The following CSMD1 variants were observed in gnomAD, a reference collection of about 807,000 sequenced individuals.
CSMD1 encodes CUB and Sushi multiple domains 1, also known as CUB and sushi domain-containing protein 1.
Under a neutral mutation model 417.5 loss-of-function variants are expected in CSMD1, and 213 were observed. The ratio of observed to expected loss-of-function variants is 0.51; its 90% CI spans 0.46 to 0.57. The LOEUF is 0.57. Among genes scored for constraint, CSMD1 ranks in the 20% least tolerant of loss-of-function variants. The probability of loss-of-function intolerance (pLI) is 0.00; values close to 1 mark genes in which losing one functional copy is unlikely to be tolerated. For synonymous variants in CSMD1, 2,862 were observed against 1,736.8 expected (o/e 1.65, Z -16.11); for missense variants, 6,923 against 4,529.7 (o/e 1.53, Z -15.17).
chr8:4,542,900 T>G (rs988442627), intron 2 of CSMD1, among the ~76,000 whole-genome samples: 3 of 152,214 alleles, frequency 2.0e-5, no homozygotes, highest in Non-Finnish European at 2.9e-5. Context: ...TTAGCATTTT[T>G]GAATATTTAT....
At chr8:4,323,468 CAT>C (rs1399967514) in intron 3 of CSMD1, among the ~76,000 whole-genome samples, 3 of 139,964 alleles carry the variant, frequency 2.1e-5, no homozygotes, top group Non-Finnish European at 4.6e-5. Context: ...ACAAACCATA[CAT>C]AATGGGACTA....
chr8:4,969,442 T>C (rs1012965865), intron 1 of CSMD1, among the ~76,000 whole-genome samples: 1 of 151,764 alleles, frequency 6.6e-6, no homozygotes, highest in South Asian at 2.1e-4. Flanking sequence ...TAGGAGCCAG[T>C]TCACAGAAAA....
intron 5 of CSMD1, among the ~76,000 whole-genome samples, chr8:3,841,465 A>G (rs906066610): frequency 1.3e-5 from 2 of 152,140 alleles, no homozygotes; most frequent in Non-Finnish European, 2.9e-5. Flanking sequence ...TGCAAGACCA[A>G]GCACTGCATT....
chr8:4,184,625 T>C (rs984030862), intron 3 of CSMD1, among the ~76,000 whole-genome samples: 10 of 151,424 alleles, frequency 6.6e-5, no homozygotes, highest in Non-Finnish European at 1.2e-4. Context: ...AAAAATCAAA[T>C]GTTCTCATTT....
intron 3 of CSMD1, among the ~76,000 whole-genome samples, chr8:4,182,403 G>A (rs540979942): frequency 1.3e-5 from 2 of 152,090 alleles, no homozygotes; most frequent in Non-Finnish European, 1.5e-5. Context: ...AGAGAGATCA[G>A]TAAATGCTGA....
chr8:3,749,600 G>T (rs1469621167), intron 6 of CSMD1, among the ~76,000 whole-genome samples: 1 of 152,190 alleles, frequency 6.6e-6, no homozygotes, highest in Admixed American at 6.5e-5. Flanking sequence ...AAGTTAAAAA[G>T]AATATATTAT....
chr8:3,513,940 G>A (rs920220919), intron 10 of CSMD1, among the ~76,000 whole-genome samples: 2 of 152,244 alleles, frequency 1.3e-5, no homozygotes, highest in African/African-American at 4.8e-5. Flanking sequence ...GCCATTAGAA[G>A]TGAGAGTAGG....
At position 2,981,884 on chromosome 8, in the gene CSMD1, A is replaced by G. The variant is rs117935194; in HGVS notation, c.8378-3084T>C. ...GTATAGCATAATAATAAAAGGCATC[A>G]GCATTCCTTGGTGACAGGAATCCCA... On this transcript the variant is annotated intron_variant, in intron 54 of 69. Transcript: ENST00000635120. Among the ~76,000 whole-genome samples, 60 of 152,316 alleles carry G rather than the reference A, an allele frequency of 3.9e-4. 1 individual carries two copies. The East Asian group carries it at 7.3e-3, about 19-fold the overall frequency.
chr8:4,580,329 T>C (rs964138137), intron 2 of CSMD1, among the ~76,000 whole-genome samples: 16 of 152,204 alleles, frequency 1.1e-4, no homozygotes, highest in Admixed American at 3.3e-4. Flanking sequence ...ATGAAAGACA[T>C]GAGCCCTGTA....
chr8:3,200,936 T>A (rs1037501018), intron 32 of CSMD1, among the ~76,000 whole-genome samples: 10 of 152,172 alleles, frequency 6.6e-5, no homozygotes, highest in Non-Finnish European at 1.3e-4. Context: ...TGAAAATGTA[T>A]CAGTACAAAT....
chr8:2,938,226 C>T lies in CSMD1; in HGVS notation c.*359G>A, dbSNP rs528624994. On this transcript the variant is annotated 3_prime_UTR_variant, in exon 70 of 70. Coordinates refer to ENST00000635120, the MANE Select transcript of CSMD1 (RefSeq NM_033225.6). ...TCACCGCACCTGAGGGACATATCCA[C>T]GAGCCCAGACGATTGCATTGAAAGG... 3 of 193,978 alleles carry T rather than the reference C, an allele frequency of 1.5e-5. No individual in the cohort carries two copies. The highest frequency in any genetic ancestry group is 6.9e-5 in the African/African-American group (3 of 43,236). The allele number at this position is 193,978 out of a possible 1,614,324, so 12.0% of individuals were successfully genotyped here.
intron 3 of CSMD1, among the ~76,000 whole-genome samples, chr8:4,145,754 A>C (rs1804073684): frequency 6.6e-6 from 1 of 151,020 alleles, no homozygotes; most frequent in Non-Finnish European, 1.5e-5. Context: ...GTCAACACTG[A>C]TTCCCTGCAG....
intron 12 of CSMD1, among the ~76,000 whole-genome samples, chr8:3,422,276 T>G (rs1813543258): frequency 6.6e-6 from 1 of 152,200 alleles, no homozygotes; most frequent in East Asian, 1.9e-4. Flanking sequence ...GGCATACAAT[T>G]CTGGGTACCT....
intron 1 of CSMD1, among the ~76,000 whole-genome samples, chr8:4,840,770 A>C (rs1162766208): frequency 3.9e-5 from 6 of 152,210 alleles, no homozygotes; most frequent in Non-Finnish European, 7.3e-5. Flanking sequence ...CAAAACTATT[A>C]AAATGTCCAT....
intron 1 of CSMD1, among the ~76,000 whole-genome samples, chr8:4,911,954 C>G (rs983095133): frequency 1.3e-5 from 2 of 151,754 alleles, no homozygotes; most frequent in Admixed American, 1.3e-4. Context: ...TTAAGCCCCA[C>G]CCAGAAAGTT....
intron 11 of CSMD1, among the ~76,000 whole-genome samples, chr8:3,487,359 G>A (rs990253341): frequency 3.3e-5 from 5 of 151,896 alleles, no homozygotes; most frequent in Non-Finnish European, 5.9e-5. Context: ...CCGCCACCAC[G>A]CCCGGCTAAT....
chr8:2,974,174 C>T (rs1235204198), intron 56 of CSMD1, among the ~76,000 whole-genome samples: 1 of 152,140 alleles, frequency 6.6e-6, no homozygotes, highest in African/African-American at 2.4e-5. Context: ...CAGGGACACA[C>T]GGAGCCATGG....
chr8:3,793,179 G>A (rs946924547), intron 5 of CSMD1, among the ~76,000 whole-genome samples: 1 of 152,136 alleles, frequency 6.6e-6, no homozygotes, highest in East Asian at 1.9e-4. Context: ...GATGGATTTT[G>A]GCATTTTTCT....
intron 26 of CSMD1, among the ~76,000 whole-genome samples, chr8:3,269,475 A>T (rs1428498982): frequency 6.6e-6 from 1 of 152,228 alleles, no homozygotes; most frequent in Non-Finnish European, 1.5e-5. Flanking sequence ...TGTAATAAAC[A>T]ACAAATGATG....
Sources: gnomAD v4.1 joint callset for allele counts (sites outside exome capture counted in the v4.1 genomes callset) on GRCh38, gnomAD v4.1.1 for gene constraint, MANE v1.5 for transcripts, NCBI Gene and HGNC (gene_info 2026-07-23, HGNC 2026-07-21) for gene names.